SLC5A6: variants seen among roughly 807,000 people sequenced by gnomAD.
SLC5A6 encodes the protein sodium-dependent multivitamin transporter.
A neutral mutation model predicts 67.9 loss-of-function variants in SLC5A6; 31 were observed. The ratio of observed to expected loss-of-function variants is 0.46; its 90% CI spans 0.34 to 0.62. The LOEUF (loss-of-function observed/expected upper bound fraction) is 0.62. Among genes scored for constraint, SLC5A6 ranks in the 20% least tolerant of loss-of-function variants. The probability of loss-of-function intolerance (pLI) is 0.01; values close to 1 mark genes in which losing one functional copy is unlikely to be tolerated. For synonymous variants in SLC5A6, 343 were observed against 331.0 expected (o/e 1.04, Z -0.39); for missense variants, 673 against 812.8 (o/e 0.83, Z 2.09).
At chr2:27,202,933 A>G in intron 11 of SLC5A6, 53 bp from the exon 12 acceptor site, 1 of 1,605,972 alleles carries the variant, frequency 6.2e-7, no homozygotes, top group Non-Finnish European at 8.5e-7. Context: ...AACACAAGCA[A>G]TGGGGTAAAG....
At chr2:27,202,571 G>T (rs1420432662) in intron 12 of SLC5A6, among the ~76,000 whole-genome samples, 1 of 150,758 alleles carries the variant, frequency 6.6e-6, no homozygotes, top group African/African-American at 2.4e-5. Context: ...GATGGAGAGG[G>T]ATGTGTTTTG....
chr2:27,203,262 G>A lies in SLC5A6; in HGVS notation c.1178C>T (p.Ala393Val), dbSNP rs1302268642. The A allele has an allele frequency of 1.9e-6, 3 of 1,614,060 alleles. No homozygotes were observed. Among genetic ancestry groups the A allele is most frequent in the Admixed American group, 3.3e-5 (2 of 60,012 alleles). The change falls in exon 11 of 17, where the codon GCC becomes GTC. Residue 393 changes from alanine (A) to valine (V), a missense_variant. By Grantham distance (64) the Ala-to-Val change is moderately conservative. Coordinates refer to ENST00000310574, the MANE Select transcript of SLC5A6 (RefSeq NM_021095.4). The part of the protein sequence containing the change: ...IRPWFPEFSE[A>V]RAIMLSRGLA... ...GCCTCTGGAAAGCATGATGGCCCGGGCTTCAGAGAACTCAGGGAACCAAGG... is the reference window on the plus strand; with the variant it reads ...GCCTCTGGAAAGCATGATGGCCCGGACTTCAGAGAACTCAGGGAACCAAGG...
rs564922108 is a variant in SLC5A6, at chr2:27,201,367, A to G, written c.1631T>C (p.Ile544Thr). The change falls in exon 15 of 17, where the codon ATT (isoleucine) becomes ACT (threonine). Residue 544 changes from isoleucine to threonine, a missense_variant. Coordinates refer to ENST00000310574, the MANE Select transcript of SLC5A6 (RefSeq NM_021095.4). ...NSTTVIVVGL[I>T]VSLLTGRMRG... Reference sequence around the variant, plus strand: ...ACCCTTACCAGTGAGTAGACTGACAATCAGGCCCACCACAATCACTGTGGT... The same window carrying G: ...ACCCTTACCAGTGAGTAGACTGACAGTCAGGCCCACCACAATCACTGTGGT... The G allele has an allele frequency of 3.7e-6, 6 of 1,610,438 alleles. No homozygotes were observed. Among genetic ancestry groups the G allele is most frequent in the Non-Finnish European group, 5.1e-6 (6 of 1,176,650 alleles).
At position 27,201,121 on chromosome 2, in the gene SLC5A6, G is replaced by A; in HGVS notation, c.1649-8C>T. On this transcript the variant is annotated splice_region_variant and splice_polypyrimidine_tract_variant and intron_variant, in intron 15 of 16. Transcript: ENST00000310574. ...ACCGGCCTCGCATTCTCCCTGAATG[G>A]AAATGTGCTTCTGAGTCTCTGGGTG... The A allele has an allele frequency of 6.2e-7, 1 of 1,600,278 alleles. No homozygotes were observed. Among genetic ancestry groups the A allele is most frequent in the Non-Finnish European group, 8.6e-7 (1 of 1,168,848 alleles).
chr2:27,202,060 G>C lies in SLC5A6; in HGVS notation c.1290C>G (p.Ile430Met). ...MGPVLQAAISIFGMVGGPLLG... is the reference protein window; with the variant it reads ...MGPVLQAAISMFGMVGGPLLG... ...GCAGCGGTCCCCCAACCATGCCAAA[G>C]ATGCTGATTGCTGCCTAGGAGGACA... Residue 430 changes from isoleucine (I) to methionine (M), a missense_variant, in exon 13 of 17, where the codon ATC (isoleucine) becomes ATG (methionine). Coordinates refer to ENST00000310574, the MANE Select transcript of SLC5A6 (RefSeq NM_021095.4). The C allele has an allele frequency of 6.2e-7, 1 of 1,613,816 alleles. No individual in the cohort carries two copies. The highest frequency in any genetic ancestry group is 8.5e-7 in the Non-Finnish European group (1 of 1,179,682).
At chr2:27,210,131 G>A (rs1315082017) in intron 2 of SLC5A6, among the ~76,000 whole-genome samples, 1 of 152,190 alleles carries the variant, frequency 6.6e-6, no homozygotes, top group African/African-American at 2.4e-5. Context: ...CCCAGTATGG[G>A]ACACGGAGGT....
At chr2:27,201,509 G>A in intron 14 of SLC5A6, 56 bp from the exon 15 acceptor site, 3 of 1,394,670 alleles carry the variant, frequency 2.2e-6, no homozygotes, top group Non-Finnish European at 2.0e-6. Context: ...CATTCCTTGG[G>A]CACCAATCTC....
rs758437015 is a variant in SLC5A6, at chr2:27,206,062, C to A, written c.543G>T (p.Leu181=). Residue 181 remains leucine (L), a synonymous_variant, in exon 6 of 17, where the codon CTG becomes CTT. Coordinates refer to ENST00000310574, the MANE Select transcript of SLC5A6 (RefSeq NM_021095.4). Reference sequence around the variant, plus strand: ...AGACGGTACAGACAATGCCCAGGGCCAGCACGGACAGCCACAGATCAAAGC... The same window carrying A: ...AGACGGTACAGACAATGCCCAGGGCAAGCACGGACAGCCACAGATCAAAGC... ...VTGFDLWLSV[L]ALGIVCTVYT... 3 of 1,614,134 alleles carry A rather than the reference C, an allele frequency of 1.9e-6. No individual in the cohort carries two copies. In the South Asian group the frequency reaches 3.3e-5, roughly 18 times the overall value.
rs41288805 is a variant in SLC5A6, at chr2:27,200,457, G to T, written c.1887C>A (p.Ile629=). 6.2e-7 allele frequency: 1 copy of T among 1,613,280 alleles called. No homozygotes were observed. The highest frequency in any genetic ancestry group is 1.7e-5 in the Admixed American group (1 of 59,912). The change falls in exon 17 of 17, where the codon ATC becomes ATA. Residue 629 remains isoleucine, a synonymous_variant. Coordinates refer to ENST00000310574, the MANE Select transcript of SLC5A6 (RefSeq NM_021095.4). ...TAYQGSSSTC[I]LQETSL ...AACATCACAGGGAGGTCTCCTGGAG[G>T]ATGCAGGTGGAGCTGCTCCCCTGAT...
intron 13 of SLC5A6, 52 bp downstream of exon 13, chr2:27,201,936 C>A: frequency 1.9e-6 from 3 of 1,604,408 alleles, no homozygotes; most frequent in Non-Finnish European, 2.6e-6. Context: ...GCCCTGCCAA[C>A]CCCCAGGTCC....
At chr2:27,204,974 C>A in intron 7 of SLC5A6, 43 bp from the exon 8 acceptor site, 3 of 1,605,488 alleles carry the variant, frequency 1.9e-6, no homozygotes, top group Non-Finnish European at 2.5e-6. Context: ...GCCTGAGAGA[C>A]ACAGCCTTCC....
Position 27,206,029 on chromosome 2 carries a change from A to G in SLC5A6, c.576T>C (p.Ala192=), listed in dbSNP as rs1674036333. 1 of 1,612,276 alleles carries G rather than the reference A, an allele frequency of 6.2e-7. No homozygotes were observed. Among genetic ancestry groups the G allele is most frequent in the African/African-American group, 1.3e-5 (1 of 74,998 alleles). The change falls in exon 6 of 17, where the codon GCT becomes GCC. Residue 192 remains alanine (A), a synonymous_variant. Transcript: ENST00000310574. ...ALGIVCTVYT[A]LGGLKAVIWT... ...CACCACGGCTTACTGCACTTACCAGAGCTGTATAGACGGTACAGACAATGC... is the reference window on the plus strand; with the variant it reads ...CACCACGGCTTACTGCACTTACCAGGGCTGTATAGACGGTACAGACAATGC...
In SLC5A6 at chr2:27,204,808, C is replaced by T. The variant is rs200982480; in HGVS notation, c.858G>A (p.Thr286=). Residue 286 remains threonine (T), a synonymous_variant, in exon 8 of 17, where the codon ACG becomes ACA. Transcript: ENST00000310574. ...GCACTCACAGCACAGCAGCCTTCTC[C>T]GTGCGGGAACTGAGGTACCGCTGCA... ...AQVQRYLSSR[T]EKAAVLSCYA... 1.7e-5 allele frequency: 28 copies of T among 1,614,138 alleles called. No homozygotes were observed. The highest frequency in any genetic ancestry group is 2.2e-5 in the East Asian group (1 of 44,876).
chr2:27,207,112 G>A lies in SLC5A6; in HGVS notation c.393+146C>T. ...TCCTGCCCCTATACCTAACATCACT[G>A]AGAAAGAATTATAAACACACAATGA... On this transcript the variant is annotated intron_variant, in intron 3 of 16. Transcript: ENST00000310574. The surrounding 1 kb of genome is among the most constrained non-coding windows in gnomAD (Gnocchi z 5.5). 1.9e-6 allele frequency: 2 copies of A among 1,079,314 alleles called. No homozygotes were observed. The highest frequency in any genetic ancestry group is 2.0e-5 in the Admixed American group (1 of 49,590). The allele number at this position is 1,079,314 out of a possible 1,614,324, so 66.9% of individuals were successfully genotyped here. A position where few individuals can be genotyped will look rare whatever the true frequency, so the allele number is the denominator to read the frequency against.
Position 27,201,777 on chromosome 2 carries a change from C to G in SLC5A6, c.1433G>C (p.Ser478Thr). 4 of 1,614,198 alleles carry G rather than the reference C, an allele frequency of 2.5e-6. No homozygotes were observed. Among genetic ancestry groups the G allele is most frequent in the Non-Finnish European group, 3.4e-6 (4 of 1,180,018 alleles). The change falls in exon 14 of 17, where the codon AGC (serine) becomes ACC (threonine). Residue 478 changes from serine (S) to threonine (T), a missense_variant. Transcript: ENST00000310574. ...AGAGGGTGGCATGCTGGAGCCCATG[C>G]TGGTCACGATGCTCCCGATGCCAAT... is the stretch of plus-strand genomic sequence containing the variant. ...FWIGIGSIVT[S>T]MGSSMPPSPS...
Position 27,207,281 on chromosome 2 carries a change from G to C in SLC5A6, c.370C>G (p.Leu124Val). The C allele has an allele frequency of 6.2e-7, 1 of 1,614,000 alleles. No individual in the cohort carries two copies. Among genetic ancestry groups the C allele is most frequent in the Non-Finnish European group, 8.5e-7 (1 of 1,180,018 alleles). Residue 124 changes from leucine (L) to valine (V), a missense_variant, in exon 3 of 17, where the codon CTG (leucine) becomes GTG (valine). Coordinates refer to ENST00000310574, the MANE Select transcript of SLC5A6 (RefSeq NM_021095.4). This position sits in a 1 kb window ranked among gnomAD's most constrained non-coding sequence, Gnocchi z 5.5. ...ACCTCATAGGCACTGGTGAGATGCA[G>C]GCGGTAGAAAACGGGGATGAAGATG... ...AHIFIPVFYRLHLTSAYEYLE... is the reference protein window; with the variant it reads ...AHIFIPVFYRVHLTSAYEYLE...
rs562530417 is a variant in SLC5A6 at position 27,201,042 on chromosome 2, G to A, written c.1720C>T (p.Pro574Ser). Reference protein sequence around the residue: ...PVLPKLLSLLPLSCQKRLHCR... With the variant: ...PVLPKLLSLLSLSCQKRLHCR... ...TGGAGCCGCTTCTGACAGGACAACG[G>A]AAGGAGGGACAGGAGCTTTGGCAAC... The change falls in exon 16 of 17, where the codon CCG (proline) becomes TCG (serine). Residue 574 changes from proline (P) to serine (S), a missense_variant. By Grantham distance (74) the Pro-to-Ser change is moderately conservative (BLOSUM62 -1). Transcript: ENST00000310574. 23 of 1,613,936 alleles carry A rather than the reference G, an allele frequency of 1.4e-5. No individual in the cohort carries two copies. Among genetic ancestry groups the A allele is most frequent in the Admixed American group, 1.2e-4 (7 of 59,984 alleles).
In SLC5A6 at chr2:27,201,709, C is replaced by T. The variant is rs142905141; in HGVS notation, c.1501G>A (p.Val501Ile). Residue 501 changes from valine to isoleucine, a missense_variant, in exon 14 of 17, where the codon GTT becomes ATT. By Grantham distance (29) the Val-to-Ile change is conservative. Transcript: ENST00000310574. ...SSFSLPTNLTVATVTTLMPLT... is the reference protein window; with the variant it reads ...SSFSLPTNLTIATVTTLMPLT... Reference sequence around the variant, plus strand: ...GGCATCAGTGTGGTCACAGTGGCAACGGTTAGATTGGTGGGCAGGGAGAAG... The same window carrying T: ...GGCATCAGTGTGGTCACAGTGGCAATGGTTAGATTGGTGGGCAGGGAGAAG... 2.1e-5 allele frequency: 34 copies of T among 1,614,046 alleles called. No individual in the cohort carries two copies. The Middle Eastern group carries it at 2.0e-3, about 94-fold the overall frequency.
intron 13 of SLC5A6, 54 bp from the exon 14 acceptor site, chr2:27,201,901 G>C: frequency 6.2e-7 from 1 of 1,609,378 alleles, no homozygotes; most frequent in Non-Finnish European, 8.5e-7. Flanking sequence ...AGCCCTCACG[G>C]CAGTCCTCAG....
Sources: gnomAD v4.1 joint callset for allele counts (sites outside exome capture counted in the v4.1 genomes callset) on GRCh38, gnomAD v4.1.1 for gene constraint, Gnocchi (gnomAD v3.1) non-coding constraint, MANE v1.5 for transcripts, NCBI Gene and HGNC (gene_info 2026-07-23, HGNC 2026-07-21) for gene names.